DOCK5: variants seen among roughly 807,000 people sequenced by gnomAD.
DOCK5 encodes dedicator of cytokinesis 5.
A neutral mutation model predicts 251.8 loss-of-function variants in DOCK5; 142 were observed. The observed-to-expected ratio is 0.56, with a 90% CI of 0.49 to 0.65. The LOEUF (loss-of-function observed/expected upper bound fraction) is 0.65, where lower values mean the gene tolerates loss of function less well. Among genes scored for constraint, DOCK5 ranks in the 30% least tolerant of loss-of-function variants. The probability of loss-of-function intolerance (pLI) is 0.00; values close to 1 mark genes in which losing one functional copy is unlikely to be tolerated. For missense variants in DOCK5, 2,111 were observed against 2,312.3 expected (o/e 0.91, Z 1.79); for synonymous variants, 842 against 835.5 (o/e 1.01, Z -0.13).
In DOCK5 at chr8:25,382,185, C is replaced by G. The variant is rs375606589; in HGVS notation, c.4027-489C>G. ...AGAGATGGAGTCTCACTATGTTGCC[C>G]AGGCTGGTCTCAAACTCCTAGCCTC... On this transcript the variant is annotated intron_variant, in intron 39 of 51. Transcript: ENST00000276440. Among the ~76,000 whole-genome samples the G allele has an allele frequency of 7.2e-4, 109 of 152,172 alleles. 1 individual carries two copies. Among genetic ancestry groups the G allele is most frequent in the African/African-American group, 2.5e-3 (105 of 41,518 alleles).
intron 28 of DOCK5, among the ~76,000 whole-genome samples, chr8:25,362,184 G>A (rs1401152176): frequency 2.0e-5 from 3 of 152,152 alleles, no homozygotes; most frequent in South Asian, 2.1e-4. Context: ...CGTCCCTGGC[G>A]CAGGAAGAGT....
chr8:25,254,251 G>A (rs978652019), intron 2 of DOCK5, among the ~76,000 whole-genome samples: 2 of 151,976 alleles, frequency 1.3e-5, no homozygotes, highest in African/African-American at 4.8e-5. Context: ...ATAAATTCAA[G>A]ACCTAAATGT....
chr8:25,213,199 G>A (rs752979260), intron 1 of DOCK5, among the ~76,000 whole-genome samples: 17 of 151,882 alleles, frequency 1.1e-4, no homozygotes, highest in Non-Finnish European at 1.9e-4. Context: ...CCTAGGAAAC[G>A]GGGAAGGTCT....
In DOCK5 at chr8:25,300,343, G is replaced by A. The variant is rs373543571; in HGVS notation, c.765-233G>A. ...GGAGCAGTGGGTTTCCTGCATCTGT[G>A]TGGGGCATGTCTTGCGGAGCCACAG... On this transcript the variant is annotated intron_variant, in intron 8 of 51. Coordinates refer to ENST00000276440, the MANE Select transcript of DOCK5 (RefSeq NM_024940.8). 1.4e-3 allele frequency among the ~76,000 whole-genome samples: 206 copies of A among 152,326 alleles called. 2 individuals are homozygous for A. The South Asian group carries it at 0.021, about 15-fold the overall frequency.
intron 2 of DOCK5, among the ~76,000 whole-genome samples, chr8:25,266,221 CT>C (rs879885183): frequency 1.8e-3 from 256 of 145,212 alleles, no homozygotes; most frequent in South Asian, 3.9e-3. Context: ...ATTATGCCTT[CT>C]TTTTTTTTTT....
intron 1 of DOCK5, among the ~76,000 whole-genome samples, chr8:25,241,712 T>C (rs1375962844): frequency 6.6e-6 from 1 of 152,192 alleles, no homozygotes; most frequent in Non-Finnish European, 1.5e-5. Flanking sequence ...TGTATGTTTA[T>C]TGTGGCACTA....
At chr8:25,393,947 C>T (rs570669043) in intron 44 of DOCK5, among the ~76,000 whole-genome samples, 1 of 152,308 alleles carries the variant, frequency 6.6e-6, no homozygotes, top group Admixed American at 6.5e-5. Context: ...TAAGTCATGG[C>T]TAGGTACAGT....
intron 1 of DOCK5, among the ~76,000 whole-genome samples, chr8:25,227,316 A>G (rs1034580587): frequency 5.3e-5 from 8 of 152,114 alleles, no homozygotes; most frequent in Admixed American, 2.6e-4. Flanking sequence ...TAGCTTTTAT[A>G]AATTTATTAC....
Position 25,312,780 on chromosome 8 carries a change from A to AT in DOCK5, c.1318+2250dup, listed in dbSNP as rs1554480352. Reference sequence around the variant, plus strand: ...CCGTCTCAAAAAAAAAAAAAAAAAAATTAGCTGGGAGTGGTGGCGCATGCC... The same window carrying AT: ...CCGTCTCAAAAAAAAAAAAAAAAAAATTTAGCTGGGAGTGGTGGCGCATGCC... On this transcript the variant is annotated intron_variant, in intron 13 of 51. Transcript: ENST00000276440. 4.8e-3 allele frequency among the ~76,000 whole-genome samples: 731 copies of AT among 151,150 alleles called. 6 individuals carry two copies. Among genetic ancestry groups the AT allele is most frequent in the African/African-American group, 0.017 (698 of 41,118 alleles).
chr8:25,396,811 C>G (rs79569579), intron 45 of DOCK5, among the ~76,000 whole-genome samples: 4,415 of 143,420 alleles, frequency 0.031, 246 homozygotes, highest in African/African-American at 0.11. Flanking sequence ...CCGGGAAGAG[C>G]AGGAGCTTTG....
At chr8:25,228,527 T>C (rs1273738755) in intron 1 of DOCK5, among the ~76,000 whole-genome samples, 1 of 152,202 alleles carries the variant, frequency 6.6e-6, no homozygotes, top group Non-Finnish European at 1.5e-5. Context: ...CAGTCATATT[T>C]ATACCACTTT....
At chr8:25,350,152 C>T (rs1014839101) in intron 26 of DOCK5, among the ~76,000 whole-genome samples, 2 of 152,110 alleles carry the variant, frequency 1.3e-5, no homozygotes, top group African/African-American at 4.8e-5. Context: ...AATCATTACA[C>T]GATTACGTGG....
At chr8:25,253,371 C>T (rs1017446301) in intron 2 of DOCK5, among the ~76,000 whole-genome samples, 5 of 145,886 alleles carry the variant, frequency 3.4e-5, no homozygotes, top group East Asian at 2.0e-4. Context: ...GATTTTGGAC[C>T]GCAACAGATC....
In DOCK5 at chr8:25,392,359, C is replaced by T. The variant is rs1011154908; in HGVS notation, c.4440+379C>T. ...ATCCCAAGTGGAGATCTTCCACCTA[C>T]CTAACCAGCTTCCACAGGAGAAACG... On this transcript the variant is annotated intron_variant, in intron 43 of 51. Coordinates refer to ENST00000276440, the MANE Select transcript of DOCK5 (RefSeq NM_024940.8). 5.3e-5 allele frequency among the ~76,000 whole-genome samples: 8 copies of T among 151,902 alleles called. No individual in the cohort carries two copies. The East Asian group carries it at 1.6e-3, about 29-fold the overall frequency.
intron 3 of DOCK5, among the ~76,000 whole-genome samples, chr8:25,272,698 A>G (rs1261933195): frequency 4.6e-5 from 7 of 152,124 alleles, no homozygotes; most frequent in Non-Finnish European, 7.3e-5. Context: ...TATTGTGGTA[A>G]AAATATATAT....
chr8:25,342,361 C>A, intron 24 of DOCK5, 40 bp from the exon 25 acceptor site: 1 of 1,489,914 alleles, frequency 6.7e-7, no homozygotes, highest in Non-Finnish European at 9.2e-7. Context: ...TTCAATTTGG[C>A]AGAACGAAGA....
At position 25,325,540 on chromosome 8, in the gene DOCK5, C is replaced by A; in HGVS notation, c.1896C>A (p.Thr632=). The change falls in exon 18 of 52, where the codon ACC becomes ACA. Residue 632 remains threonine (T), a synonymous_variant. Coordinates refer to ENST00000276440, the MANE Select transcript of DOCK5 (RefSeq NM_024940.8). ...CCCTCATCTGCTCCACAAAGCTCAC[C>A]CAGAATGGTAGGAGTGGTGAATACA... is the stretch of plus-strand genomic sequence containing the variant. The part of the protein sequence containing the change: ...IATLICSTKL[T]QNVDLLGLLN... 6.2e-7 allele frequency: 1 copy of A among 1,613,386 alleles called. No individual in the cohort carries two copies. The highest frequency in any genetic ancestry group is 8.5e-7 in the Non-Finnish European group (1 of 1,179,546).
chr8:25,219,819 A>C (rs1014350669), intron 1 of DOCK5, among the ~76,000 whole-genome samples: 9 of 151,540 alleles, frequency 5.9e-5, no homozygotes, highest in African/African-American at 1.7e-4. Flanking sequence ...TTGTGTTGGC[A>C]TGCCTTGGTA....
chr8:25,318,445 T>C (rs1294752667), intron 14 of DOCK5, among the ~76,000 whole-genome samples: 3 of 151,572 alleles, frequency 2.0e-5, no homozygotes, highest in East Asian at 1.9e-4. Context: ...TTTTTTTCTC[T>C]GTCTTTCCGC....
Sources: gnomAD v4.1 joint callset for allele counts (sites outside exome capture counted in the v4.1 genomes callset) on GRCh38, gnomAD v4.1.1 for gene constraint, MANE v1.5 for transcripts, NCBI Gene and HGNC (gene_info 2026-07-23, HGNC 2026-07-21) for gene names.